Variants in TENM3 observed in about 807,000 individuals in gnomAD.
TENM3 encodes teneurin transmembrane protein 3.
Under a neutral mutation model 255.1 loss-of-function variants are expected in TENM3, and 63 were observed. That is an observed-to-expected ratio of 0.25 (90% CI 0.20 to 0.30). The LOEUF (loss-of-function observed/expected upper bound fraction) is 0.30, where lower values mean the gene tolerates loss of function less well. Ranked by LOEUF, TENM3 falls within the 10% of genes least tolerant of loss-of-function variation. TENM3 has a pLI of 1.00. For missense variants in TENM3, 2,929 were observed against 3,461.1 expected (o/e 0.85, Z 3.86); for synonymous variants, 1,306 against 1,322.3 (o/e 0.99, Z 0.27).
At chr4:181,659,724 C>G in the TENM3 span, among the ~76,000 whole-genome samples, 1 of 152,160 alleles carries the variant, frequency 6.6e-6, no homozygotes, top group Non-Finnish European at 1.5e-5. Context: ...TTCATCTGCT[C>G]TTGAATATTG....
the TENM3 span, among the ~76,000 whole-genome samples, chr4:182,051,082 G>A: frequency 6.6e-6 from 1 of 151,658 alleles, no homozygotes; most frequent in Non-Finnish European, 1.5e-5. Flanking sequence ...GGTGGCTCAT[G>A]CCTGTAATCC....
chr4:182,343,587 T>C (rs553933022), intron 2 of TENM3, among the ~76,000 whole-genome samples: 1 of 152,166 alleles, frequency 6.6e-6, no homozygotes, highest in Non-Finnish European at 1.5e-5. Flanking sequence ...TTCCCACTTC[T>C]CTGCACTGCC....
the TENM3 span, among the ~76,000 whole-genome samples, chr4:181,797,141 A>AG: frequency 1.3e-5 from 2 of 149,672 alleles, no homozygotes; most frequent in African/African-American, 2.5e-5. Context: ...TGTAAAAGGG[A>AG]GGGTTTTTTT....
the TENM3 span, among the ~76,000 whole-genome samples, chr4:181,520,512 T>C: frequency 6.6e-6 from 1 of 152,188 alleles, no homozygotes; most frequent in African/African-American, 2.4e-5. Context: ...ATTAGGCAAG[T>C]AACTATGCCT....
the TENM3 span, among the ~76,000 whole-genome samples, chr4:181,521,058 C>G: frequency 1.3e-5 from 2 of 152,210 alleles, no homozygotes; most frequent in Non-Finnish European, 2.9e-5. Flanking sequence ...CAATACAGCT[C>G]TCCTCAATGG....
chr4:182,456,048 G>A (rs902545759), intron 3 of TENM3, among the ~76,000 whole-genome samples: 4 of 152,208 alleles, frequency 2.6e-5, no homozygotes, highest in Non-Finnish European at 5.9e-5. Context: ...CACTAAGCAT[G>A]ATGCTAAGAA....
At chr4:182,107,149 C>G in the TENM3 span, among the ~76,000 whole-genome samples, 4 of 103,938 alleles carry the variant, frequency 3.8e-5, no homozygotes, top group African/African-American at 1.9e-4. Context: ...TGAAACAGAA[C>G]ATACACACAC....
intron 1 of TENM3, among the ~76,000 whole-genome samples, chr4:182,299,549 G>A (rs1761721188): frequency 6.6e-6 from 1 of 152,190 alleles, no homozygotes; most frequent in South Asian, 2.1e-4. Flanking sequence ...TGACATTTTA[G>A]TGTGCATCAA....
intron 1 of TENM3, among the ~76,000 whole-genome samples, chr4:182,158,716 C>A (rs1208494125): frequency 6.6e-6 from 1 of 152,122 alleles, no homozygotes; most frequent in Non-Finnish European, 1.5e-5. Flanking sequence ...ATCTCTGCCT[C>A]CCAGAGTCAA....
chr4:182,030,141 G>A, the TENM3 span, among the ~76,000 whole-genome samples: 8 of 151,412 alleles, frequency 5.3e-5, no homozygotes, highest in South Asian at 2.1e-4. Context: ...ATAGGTAAAC[G>A]TGTGCCACAG....
chr4:182,552,421 G>A (rs1214336415), intron 3 of TENM3, among the ~76,000 whole-genome samples: 1 of 152,160 alleles, frequency 6.6e-6, no homozygotes, highest in Non-Finnish European at 1.5e-5. Context: ...ACAAGACTTT[G>A]TTTCCTACCC....
At chr4:181,585,207 T>G in the TENM3 span, among the ~76,000 whole-genome samples, 4 of 152,172 alleles carry the variant, frequency 2.6e-5, no homozygotes, top group Admixed American at 6.5e-5. Context: ...TGTACTTGAT[T>G]CACAGATGGA....
At chr4:182,330,130 C>A (rs1449480395) in intron 2 of TENM3, among the ~76,000 whole-genome samples, 2 of 152,160 alleles carry the variant, frequency 1.3e-5, no homozygotes, top group South Asian at 2.1e-4. Flanking sequence ...GGAAAGATTT[C>A]TTTTCCCATG....
chr4:181,518,749 A>G, the TENM3 span, among the ~76,000 whole-genome samples: 2 of 152,232 alleles, frequency 1.3e-5, no homozygotes, highest in East Asian at 3.9e-4. Flanking sequence ...TTATAACGCT[A>G]AAGTGTTTAT....
intron 1 of TENM3, among the ~76,000 whole-genome samples, chr4:182,160,325 A>G (rs1183371982): frequency 6.6e-6 from 1 of 152,204 alleles, no homozygotes; most frequent in African/African-American, 2.4e-5. Context: ...TTTTAAAAAA[A>G]TGAAAATAAA....
chr4:182,365,981 G>A (rs1766406821), intron 3 of TENM3, among the ~76,000 whole-genome samples: 1 of 152,144 alleles, frequency 6.6e-6, no homozygotes, highest in African/African-American at 2.4e-5. Context: ...AAGCATGGTA[G>A]TATAATCTTA....
At chr4:181,723,801 G>A in the TENM3 span, among the ~76,000 whole-genome samples, 2 of 152,082 alleles carry the variant, frequency 1.3e-5, no homozygotes, top group Non-Finnish European at 2.9e-5. Flanking sequence ...GTTGTGGGAA[G>A]ACAATTCTCA....
At chr4:181,888,178 C>T in the TENM3 span, among the ~76,000 whole-genome samples, 224 of 151,862 alleles carry the variant, frequency 1.5e-3, 1 homozygote, top group African/African-American at 5.0e-3. Flanking sequence ...TACAGGTGCC[C>T]GCCACCACGC....
intron 3 of TENM3, among the ~76,000 whole-genome samples, chr4:182,356,272 G>A (rs1373403441): frequency 3.3e-5 from 5 of 152,196 alleles, no homozygotes; most frequent in African/African-American, 9.6e-5. Context: ...GGAGGCTGAG[G>A]TGAGAGGATG....
Sources: gnomAD v4.1 joint callset for allele counts (sites outside exome capture counted in the v4.1 genomes callset) on GRCh38, gnomAD v4.1.1 for gene constraint, MANE v1.5 for transcripts, NCBI Gene and HGNC (gene_info 2026-07-23, HGNC 2026-07-21) for gene names.